CADPS2: variants seen among roughly 807,000 people sequenced by gnomAD.
The protein encoded by CADPS2 is calcium dependent secretion activator 2, also known as calcium-dependent secretion activator 2.
CADPS2 carries 93 observed loss-of-function variants against 172.5 expected under a neutral mutation model. That is an observed-to-expected ratio of 0.54 (90% CI 0.46 to 0.64). The LOEUF (loss-of-function observed/expected upper bound fraction) is 0.64. Among genes scored for constraint, CADPS2 ranks in the 30% least tolerant of loss-of-function variants. The pLI, the probability that CADPS2 is intolerant of heterozygous loss-of-function variation, is 0.00. For missense variants in CADPS2, 1,420 were observed against 1,565.9 expected, an observed-to-expected ratio of 0.91 and a Z score of 1.57; for synonymous variants, 546 against 555.2, an observed-to-expected ratio of 0.98 and a Z score of 0.23.
intron 9 of CADPS2, among the ~76,000 whole-genome samples, chr7:122,494,808 C>T (rs929648310): frequency 2.0e-5 from 3 of 151,806 alleles, no homozygotes; most frequent in Admixed American, 6.6e-5. Context: ...CCTCATCTTA[C>T]AGACAGTCAA....
intron 6 of CADPS2, among the ~76,000 whole-genome samples, chr7:122,600,321 G>A (rs2072553543): frequency 6.6e-6 from 1 of 152,064 alleles, no homozygotes; most frequent in Non-Finnish European, 1.5e-5. Context: ...CCAACTGTGG[G>A]AAAACAGCAA....
Position 122,463,482 on chromosome 7 carries a change from CAAT to C in CADPS2, c.2186+7890_2186+7892del, listed in dbSNP as rs1283833452. Among the ~76,000 whole-genome samples the C allele has an allele frequency of 2.0e-5, 3 of 151,996 alleles. 1 individual carries two copies. Among genetic ancestry groups the C allele is most frequent in the Non-Finnish European group, 4.4e-5 (3 of 67,988 alleles). On this transcript the variant is annotated intron_variant, in intron 14 of 29. Coordinates refer to ENST00000449022, the MANE Select transcript of CADPS2 (RefSeq NM_017954.11). The stretch of plus-strand genomic sequence containing the variant: ...AACGTACTTATAAATAACCTTGTGT[CAAT>C]AAATTATGAAAAGTTAAAATTACTT...
intron 2 of CADPS2, among the ~76,000 whole-genome samples, chr7:122,732,521 G>T (rs1362821032): frequency 2.7e-5 from 4 of 149,604 alleles, no homozygotes; most frequent in African/African-American, 9.8e-5. Context: ...AATTTAATTT[G>T]TAATACACAT....
At chr7:122,622,924 T>C (rs566905581) in intron 4 of CADPS2, among the ~76,000 whole-genome samples, 3 of 152,304 alleles carry the variant, frequency 2.0e-5, no homozygotes, top group East Asian at 3.9e-4. Flanking sequence ...AGTTCATTCA[T>C]GGGATTGGAA....
At chr7:122,324,489 C>T (rs1447171738) in intron 29 of CADPS2, among the ~76,000 whole-genome samples, 1 of 152,094 alleles carries the variant, frequency 6.6e-6, no homozygotes, top group African/African-American at 2.4e-5. Flanking sequence ...GTTCCACCCT[C>T]GGAATTTCTG....
At chr7:122,745,114 C>G (rs1188019538) in intron 1 of CADPS2, among the ~76,000 whole-genome samples, 1 of 151,732 alleles carries the variant, frequency 6.6e-6, no homozygotes, top group Admixed American at 6.6e-5. Flanking sequence ...TTACAGTTAC[C>G]TTTTGTGTCT....
intron 15 of CADPS2, among the ~76,000 whole-genome samples, chr7:122,447,670 C>T (rs2052468490): frequency 6.7e-6 from 1 of 148,788 alleles, no homozygotes; most frequent in Non-Finnish European, 1.5e-5. Flanking sequence ...TTTCATGACT[C>T]AGCCTCCCAA....
intron 27 of CADPS2, 121 bp downstream of exon 27, chr7:122,360,667 A>G (rs1160417178): frequency 1.2e-5 from 10 of 861,394 alleles, no homozygotes; most frequent in African/African-American, 1.0e-4. Flanking sequence ...TGCTTAAGGA[A>G]AATAAACTAC....
intron 8 of CADPS2, among the ~76,000 whole-genome samples, chr7:122,543,867 A>G (rs1412438610): frequency 6.6e-6 from 1 of 152,174 alleles, no homozygotes; most frequent in East Asian, 1.9e-4. Flanking sequence ...TTCAAGAGAC[A>G]ATAATATAAC....
chr7:122,393,263 G>A lies in CADPS2; in HGVS notation c.2941C>T (p.Pro981Ser), dbSNP rs1249844607. 1 of 1,613,846 alleles carries A rather than the reference G, an allele frequency of 6.2e-7. No individual in the cohort carries two copies. Among genetic ancestry groups the A allele is most frequent in the Admixed American group, 1.7e-5 (1 of 60,002 alleles). Reference protein sequence around the residue: ...NVALPKVPSLPLNLPQIPNIS... With the variant: ...NVALPKVPSLSLNLPQIPNIS... ...TTAGGAATCTGTGGAAGATTAAGAG[G>A]CAGACTTGGAACTTTTGGAAGAGCT... The change falls in exon 22 of 30, where the codon CCT (proline) becomes TCT (serine). Residue 981 changes from proline to serine, a missense_variant. By Grantham distance (74) the Pro-to-Ser change is moderately conservative (BLOSUM62 -1). Coordinates refer to ENST00000449022, the MANE Select transcript of CADPS2 (RefSeq NM_017954.11).
intron 6 of CADPS2, among the ~76,000 whole-genome samples, chr7:122,582,246 T>C (rs141340387): frequency 5.3e-4 from 81 of 152,266 alleles, no homozygotes; most frequent in African/African-American, 1.7e-3. Flanking sequence ...CTGTCTACAT[T>C]TTATTTTATA....
At chr7:122,592,066 G>C (rs2070900182) in intron 6 of CADPS2, among the ~76,000 whole-genome samples, 1 of 151,944 alleles carries the variant, frequency 6.6e-6, no homozygotes, top group Non-Finnish European at 1.5e-5. Flanking sequence ...CAGAATGGGA[G>C]AAAATTTTTG....
chr7:122,714,672 T>C (rs996855891), intron 2 of CADPS2, among the ~76,000 whole-genome samples: 1 of 152,154 alleles, frequency 6.6e-6, no homozygotes, highest in South Asian at 2.1e-4. Context: ...CAAGATCCAT[T>C]GCCACTCATA....
intron 8 of CADPS2, among the ~76,000 whole-genome samples, chr7:122,537,427 G>A (rs2062421185): frequency 6.6e-6 from 1 of 151,456 alleles, no homozygotes; most frequent in East Asian, 1.9e-4. Flanking sequence ...AATAGAGAAT[G>A]AAATTAAAGA....
chr7:122,474,656 G>T, intron 12 of CADPS2, 139 bp from the exon 13 acceptor site: 2 of 753,360 alleles, frequency 2.7e-6, no homozygotes, highest in Non-Finnish European at 4.0e-6. Flanking sequence ...CAAGAGTTCA[G>T]CATATTAACA....
chr7:122,709,971 T>C (rs911744522), intron 2 of CADPS2, among the ~76,000 whole-genome samples: 2 of 149,834 alleles, frequency 1.3e-5, no homozygotes, highest in Non-Finnish European at 3.0e-5. Flanking sequence ...GACGAGTTAA[T>C]GGGTGCAGCA....
intron 7 of CADPS2, among the ~76,000 whole-genome samples, chr7:122,555,350 A>T (rs1234569461): frequency 6.6e-6 from 1 of 152,126 alleles, no homozygotes; most frequent in Non-Finnish European, 1.5e-5. Flanking sequence ...CAGGAAAGAC[A>T]AGCCTACTCT....
chr7:122,454,219 C>T (rs374920940), intron 14 of CADPS2, among the ~76,000 whole-genome samples: 30 of 152,208 alleles, frequency 2.0e-4, no homozygotes, highest in African/African-American at 5.5e-4. Flanking sequence ...ATTTTAAATA[C>T]GTGTCTGGTA....
Position 122,820,561 on chromosome 7 carries a change from T to TTG in CADPS2, c.339+65437_339+65438insCA, listed in dbSNP as rs1554465819. Among the ~76,000 whole-genome samples the TTG allele has an allele frequency of 4.2e-4, 47 of 113,112 alleles. 3 individuals are homozygous for TTG. Among genetic ancestry groups the TTG allele is most frequent in the African/African-American group, 1.9e-3 (47 of 25,340 alleles). The allele number at this position is 113,112 out of a possible 152,430, so 74.2% of individuals were successfully genotyped here. A position where few individuals can be genotyped will look rare whatever the true frequency, so the allele number is the denominator to read the frequency against. ...CTTACTGTTTTTTGTTTTTTGTTTT[T>TTG]TTTTTTTTTTTTTTTTGAGACGGAG... On this transcript the variant is annotated intron_variant, in intron 1 of 29. Transcript: ENST00000449022.
Sources: gnomAD v4.1 joint callset for allele counts (sites outside exome capture counted in the v4.1 genomes callset) on GRCh38, gnomAD v4.1.1 for gene constraint, MANE v1.5 for transcripts, NCBI Gene and HGNC (gene_info 2026-07-23, HGNC 2026-07-21) for gene names.